Variants in RANGAP1 observed in about 807,000 individuals in gnomAD.
RANGAP1 encodes ran GTPase-activating protein 1.
A neutral mutation model predicts 63.5 loss-of-function variants in RANGAP1; 38 were observed. That is an observed-to-expected ratio of 0.60 (90% CI 0.46 to 0.78). The LOEUF (loss-of-function observed/expected upper bound fraction) is 0.78, where lower values mean the gene tolerates loss of function less well. RANGAP1 is among the 30% of genes least tolerant of loss of function. The pLI, the probability that RANGAP1 is intolerant of heterozygous loss-of-function variation, is 0.00. For missense variants in RANGAP1, 630 were observed against 740.3 expected (o/e 0.85, Z 1.73); for synonymous variants, 329 against 310.5 (o/e 1.06, Z -0.63).
At chr22:41,274,033 G>A (rs1429373729) in intron 3 of RANGAP1, among the ~76,000 whole-genome samples, 1 of 152,186 alleles carries the variant, frequency 6.6e-6, no homozygotes, top group African/African-American at 2.4e-5. Flanking sequence ...AGCTGAGATT[G>A]CGCCACTGAA....
rs185327634 is a variant in RANGAP1 at position 41,283,593 on chromosome 22, T to A, written c.-39+2393A>T. 1.6e-3 allele frequency among the ~76,000 whole-genome samples: 246 copies of A among 152,202 alleles called. 3 individuals are homozygous for A. Among genetic ancestry groups the A allele is most frequent in the South Asian group, 2.7e-3 (13 of 4,826 alleles). ...TTATTAGGAAATAGTTAAATAAAGA[T>A]ATCAGGGATTGGGCCATGCACACAT... is the stretch of plus-strand genomic sequence containing the variant. On this transcript the variant is annotated intron_variant, in intron 1 of 15. Coordinates refer to ENST00000356244, the MANE Select transcript of RANGAP1 (RefSeq NM_002883.4).
At chr22:41,248,814 T>C (rs1181752634) in intron 15 of RANGAP1, among the ~76,000 whole-genome samples, 2 of 152,204 alleles carry the variant, frequency 1.3e-5, no homozygotes, top group Non-Finnish European at 2.9e-5. Flanking sequence ...AAGGCCAAGG[T>C]TCACACATTG....
intron 2 of RANGAP1, among the ~76,000 whole-genome samples, chr22:41,279,595 T>C (rs564166003): frequency 5.4e-4 from 81 of 151,124 alleles, no homozygotes; most frequent in Non-Finnish European, 9.3e-4. Flanking sequence ...TGAGCTGAGA[T>C]TGCACCACCA....
At chr22:41,269,384 T>C (rs923818858) in intron 3 of RANGAP1, among the ~76,000 whole-genome samples, 1 of 152,186 alleles carries the variant, frequency 6.6e-6, no homozygotes, top group Non-Finnish European at 1.5e-5. Context: ...TAAGACCTAG[T>C]GTTCAATAGG....
At chr22:41,264,910 T>G in intron 4 of RANGAP1, 67 bp from the exon 5 acceptor site, 3 of 1,501,532 alleles carry the variant, frequency 2.0e-6, no homozygotes, top group Non-Finnish European at 2.7e-6. Context: ...GCTGCTTCTG[T>G]GCCAGGCCCA....
At chr22:41,292,199 G>C in the RANGAP1 span, among the ~76,000 whole-genome samples, 1 of 151,820 alleles carries the variant, frequency 6.6e-6, no homozygotes, top group Admixed American at 6.6e-5. Context: ...CTAGGCTGGA[G>C]TGTAATGGTG....
rs1159446788 is a variant in RANGAP1 at position 41,246,435 on chromosome 22, G to A, written c.*168C>T. 2.1e-5 allele frequency: 14 copies of A among 671,476 alleles called. No homozygotes were observed. The highest frequency in any genetic ancestry group is 1.3e-4 in the South Asian group (7 of 52,400). 41.6% of individuals were successfully genotyped at this position (671,476 alleles called of 1,614,324 possible). On this transcript the variant is annotated 3_prime_UTR_variant, in exon 16 of 16. Coordinates refer to ENST00000356244, the MANE Select transcript of RANGAP1 (RefSeq NM_002883.4). ...ACAGGAGGCACAGACCTGCACATGC[G>A]CCACACCCACACACATACTCAGGGG... is the stretch of plus-strand genomic sequence containing the variant.
chr22:41,245,383 G>A lies in RANGAP1; in HGVS notation c.*1220C>T, dbSNP rs371174688. Among the ~76,000 whole-genome samples, 3 of 152,204 alleles carry A rather than the reference G, an allele frequency of 2.0e-5. No homozygotes were observed. Among genetic ancestry groups the A allele is most frequent in the East Asian group, 1.9e-4 (1 of 5,194 alleles). On this transcript the variant is annotated 3_prime_UTR_variant, in exon 16 of 16. Transcript: ENST00000356244. ...TGAAGGAGCAACGCAGAAGCCAAGC[G>A]AGCTGCAGCCCAAAGGCAGGGTGCT...
At position 41,280,979 on chromosome 22, in the gene RANGAP1, C is replaced by T; in HGVS notation, c.66G>A (p.Gln22=). 3.1e-6 allele frequency: 5 copies of T among 1,613,768 alleles called. No individual in the cohort carries two copies. The highest frequency in any genetic ancestry group is 1.7e-5 in the Admixed American group (1 of 59,990). Residue 22 remains glutamine, a synonymous_variant, in exon 2 of 16, where the codon CAG becomes CAA. Coordinates refer to ENST00000356244, the MANE Select transcript of RANGAP1 (RefSeq NM_002883.4). ...TGAGGCTCTTGCCTTTGAAACTCAGCTGTCCCCCGGCCACCTGAGTCTTGG... is the reference window on the plus strand; with the variant it reads ...TGAGGCTCTTGCCTTTGAAACTCAGTTGTCCCCCGGCCACCTGAGTCTTGG... ...TLAKTQVAGG[Q]LSFKGKSLKL... is the part of the protein sequence containing the mutation.
intron 1 of RANGAP1, chr22:41,281,699 C>G (rs2035499678): frequency 1.1e-6 from 1 of 928,510 alleles, no homozygotes; most frequent in Non-Finnish European, 1.3e-6. Context: ...ATCACAACAG[C>G]TACCATCATA....
At chr22:41,293,555 G>A in the RANGAP1 span, among the ~76,000 whole-genome samples, 2 of 151,768 alleles carry the variant, frequency 1.3e-5, no homozygotes, top group South Asian at 2.1e-4. Flanking sequence ...CGAGGTGGGC[G>A]GATCACAGGT....
chr22:41,256,221 T>C lies in RANGAP1; in HGVS notation c.958A>G (p.Lys320Glu). The C allele has an allele frequency of 6.2e-7, 1 of 1,614,166 alleles. No individual in the cohort carries two copies. The highest frequency in any genetic ancestry group is 1.1e-5 in the South Asian group (1 of 91,086). Reference protein sequence around the residue: ...ALAVAEAMADKAELEKLDLNG... With the variant: ...ALAVAEAMADEAELEKLDLNG... Reference sequence around the variant, plus strand: ...AGGTCCAGCTTCTCCAGCTCAGCTTTGTCTGCCATGGCCTCAGCAACAGCC... The same window carrying C: ...AGGTCCAGCTTCTCCAGCTCAGCTTCGTCTGCCATGGCCTCAGCAACAGCC... The change falls in exon 9 of 16, where the codon AAA becomes GAA. Residue 320 changes from lysine to glutamate, a missense_variant. By Grantham distance (56) the Lys-to-Glu change is moderately conservative. This residue lies in a region of RANGAP1 where 428 missense variants were observed against 465.5 expected (regional missense o/e 0.92). Coordinates refer to ENST00000356244, the MANE Select transcript of RANGAP1 (RefSeq NM_002883.4).
At chr22:41,278,290 C>T (rs962849297) in intron 2 of RANGAP1, among the ~76,000 whole-genome samples, 15 of 152,122 alleles carry the variant, frequency 9.9e-5, no homozygotes, top group African/African-American at 2.4e-4. Context: ...CTGCCCACCT[C>T]GGCCTCCCAA....
At chr22:41,264,947 T>C (rs777444877) in intron 4 of RANGAP1, 104 bp from the exon 5 acceptor site, 92 of 1,226,504 alleles carry the variant, frequency 7.5e-5, no homozygotes, top group Non-Finnish European at 1.0e-4. Flanking sequence ...ACACCCCGGC[T>C]GGTGCAGAAC....
chr22:41,251,156 G>A, intron 12 of RANGAP1, 47 bp from the exon 13 acceptor site: 1 of 1,504,204 alleles, frequency 6.6e-7, no homozygotes, highest in Non-Finnish European at 9.2e-7. Flanking sequence ...GTGGTGGAGA[G>A]GTACCTGGGC....
the RANGAP1 span, among the ~76,000 whole-genome samples, chr22:41,294,725 G>GC: frequency 4.2e-5 from 6 of 141,526 alleles, no homozygotes; most frequent in Non-Finnish European, 9.2e-5. Flanking sequence ...GATGTGAGGA[G>GC]CGTCTCTGCC....
At chr22:41,285,728 G>C (rs2035720647) in intron 1 of RANGAP1, 1 of 966,776 alleles carries the variant, frequency 1.0e-6, no homozygotes, top group South Asian at 4.8e-5. Flanking sequence ...AATATGAGAC[G>C]CCACTGCTAG....
chr22:41,262,306 T>C (rs919098880), intron 5 of RANGAP1, among the ~76,000 whole-genome samples: 7 of 152,026 alleles, frequency 4.6e-5, no homozygotes, highest in Admixed American at 1.3e-4. Flanking sequence ...TCAGAGCCCA[T>C]GGTAAATGCG....
intron 3 of RANGAP1, 61 bp from the exon 4 acceptor site, chr22:41,268,217 C>A (rs908431251): frequency 3.0e-6 from 4 of 1,353,102 alleles, no homozygotes; most frequent in Non-Finnish European, 2.1e-6. Context: ...CATAGTGAAG[C>A]CTCATCCTGG....
Sources: allele counts gnomAD v4.1 joint callset (sites outside exome capture counted in the v4.1 genomes callset), GRCh38; gene constraint gnomAD v4.1.1; regional missense constraint gnomAD v4.1.1; transcripts MANE v1.5; gene names NCBI Gene and HGNC (gene_info 2026-07-23, HGNC 2026-07-21).